CERS1: variants seen among roughly 807,000 people sequenced by gnomAD.
CERS1 encodes the protein Embryonic growth/differentiation factor 1.
In CERS1, 16 loss-of-function variants were observed where a neutral mutation model predicts 35.7. That is an observed-to-expected ratio of 0.45 (90% CI 0.30 to 0.68). The LOEUF (loss-of-function observed/expected upper bound fraction) is 0.68. CERS1 is among the 30% of genes least tolerant of loss of function. CERS1 has a pLI of 0.08. For missense variants in CERS1, 454 were observed against 453.9 expected, an observed-to-expected ratio of 1.00 and a Z score of 0.00; for synonymous variants, 243 against 201.6, an observed-to-expected ratio of 1.21 and a Z score of -1.74.
chr19:18,887,479 CTTTAA>C (rs2056389455), intron 2 of CERS1, among the ~76,000 whole-genome samples: 1 of 152,138 alleles, frequency 6.6e-6, no homozygotes, highest in Admixed American at 6.6e-5. Flanking sequence ...GAACTGTTCG[CTTTAA>C]AATGGTTAAT....
intron 4 of CERS1, 137 bp downstream of exon 4, chr19:18,880,137 A>C: frequency 1.3e-6 from 1 of 754,822 alleles, no homozygotes; most frequent in Non-Finnish European, 2.0e-6. Flanking sequence ...CCAAATCATG[A>C]GGCCCCTCCC....
In CERS1 at chr19:18,886,115, CTATGCTCTGGA is replaced by C. The variant is rs1359658669; in HGVS notation, c.410-1859_410-1849del. Among the ~76,000 whole-genome samples the C allele has an allele frequency of 4.2e-3, 632 of 151,434 alleles. 13 individuals are homozygous for C. Among genetic ancestry groups the C allele is most frequent in the African/African-American group, 0.015 (614 of 40,740 alleles). On this transcript the variant is annotated intron_variant, in intron 2 of 7. Transcript: ENST00000623882. Reference sequence around the variant, plus strand: ...GGCTGCCAGACACCAAATTCAAGGGCTATGCTCTGGACGGGCACGGTGGCTCATGCCTGTAA... The same window carrying C: ...GGCTGCCAGACACCAAATTCAAGGGCCGGGCACGGTGGCTCATGCCTGTAA...
Position 18,870,052 on chromosome 19 carries a change from TGACC to T in CERS1, c.*521_*524del. 1 of 1,592,222 alleles carries T rather than the reference TGACC, an allele frequency of 6.3e-7. No homozygotes were observed. The highest frequency in any genetic ancestry group is 1.1e-5 in the South Asian group (1 of 88,402). On this transcript the variant is annotated 3_prime_UTR_variant, in exon 7 of 8. Transcript: ENST00000623882. This position sits in a 1 kb window ranked among gnomAD's most constrained non-coding sequence, Gnocchi z 5.1. ...TCCTCCACGTGGCACGGTTGCAGGG[TGACC>T]CCTGGGGACGTCCGCCGCGAGCCAG...
At chr19:18,884,939 C>T (rs1324643016) in intron 2 of CERS1, among the ~76,000 whole-genome samples, 1 of 149,690 alleles carries the variant, frequency 6.7e-6, no homozygotes, top group Non-Finnish European at 1.5e-5. Flanking sequence ...TGGACTTGAA[C>T]TCCTGATCTC....
chr19:18,875,246 A>G (rs1296698308), intron 6 of CERS1, among the ~76,000 whole-genome samples: 15 of 151,488 alleles, frequency 9.9e-5, no homozygotes, highest in East Asian at 3.9e-4. Flanking sequence ...AAAAAAAAAA[A>G]AAAGAAAGAA....
In CERS1 at chr19:18,870,399, A is replaced by G; in HGVS notation, c.*178T>C. Reference sequence around the variant, plus strand: ...GCGGGGCCGGTGTCCCCGGAGGGGCAGGGGTCCTGGGGGGCGTGGCCGGGA... The same window carrying G: ...GCGGGGCCGGTGTCCCCGGAGGGGCGGGGGTCCTGGGGGGCGTGGCCGGGA... On this transcript the variant is annotated 3_prime_UTR_variant, in exon 7 of 8. Coordinates refer to ENST00000623882, the MANE Select transcript of CERS1 (RefSeq NM_021267.5). The surrounding 1 kb of genome is among the most constrained non-coding windows in gnomAD (Gnocchi z 5.1). 4.1e-6 allele frequency: 5 copies of G among 1,221,132 alleles called. No homozygotes were observed. The highest frequency in any genetic ancestry group is 5.4e-6 in the Non-Finnish European group (5 of 918,674). The allele number at this position is 1,221,132 out of a possible 1,614,324, so 75.6% of individuals were successfully genotyped here. A position where few individuals can be genotyped will look rare whatever the true frequency, so the allele number is the denominator to read the frequency against.
Position 18,880,510 on chromosome 19 carries a change from A to C in CERS1, c.591-75T>G, listed in dbSNP as rs1277157956. 4.9e-6 allele frequency: 7 copies of C among 1,422,238 alleles called. No homozygotes were observed. The East Asian group carries it at 1.8e-4, about 36-fold the overall frequency. The allele number at this position is 1,422,238 out of a possible 1,614,324, so 88.1% of individuals were successfully genotyped here. On this transcript the variant is annotated intron_variant, in intron 3 of 7. Transcript: ENST00000623882. ...TCCACTCTGCACTAAGGCCCCCAGC[A>C]GAGTCCCTGGGCTACACCTCAGGCT...
Position 18,895,641 on chromosome 19 carries a change from A to C in CERS1, c.249+183T>G, listed in dbSNP as rs2056607170. 6.7e-6 allele frequency among the ~76,000 whole-genome samples: 1 copy of C among 149,984 alleles called. No individual in the cohort carries two copies. Among genetic ancestry groups the C allele is most frequent in the Admixed American group, 6.6e-5 (1 of 15,156 alleles). On this transcript the variant is annotated intron_variant, in intron 1 of 7. Transcript: ENST00000623882. This position sits in a 1 kb window ranked among gnomAD's most constrained non-coding sequence, Gnocchi z 6.4. The stretch of plus-strand genomic sequence containing the variant: ...AAGGGGGCGCGCGGCGGCCCGAGAG[A>C]CCTTATCCTGGGGCTCCAACGTCCT...
Position 18,869,226 on chromosome 19 carries a change from C to T in CERS1, c.*759G>A. Reference sequence around the variant, plus strand: ...TGGCCCGCTTGCGCCACGCTCAGCTCCCAGCCGCCCTCCGGGGCTGCCGCC... The same window carrying T: ...TGGCCCGCTTGCGCCACGCTCAGCTTCCAGCCGCCCTCCGGGGCTGCCGCC... On this transcript the variant is annotated 3_prime_UTR_variant, in exon 8 of 8. Transcript: ENST00000623882. 7.2e-7 allele frequency: 1 copy of T among 1,379,554 alleles called. No individual in the cohort carries two copies. Among genetic ancestry groups the T allele is most frequent in the Non-Finnish European group, 9.3e-7 (1 of 1,077,398 alleles). The allele number at this position is 1,379,554 out of a possible 1,614,324, so 85.5% of individuals were successfully genotyped here.
chr19:18,868,918 A>C lies in CERS1; in HGVS notation c.*1067T>G. The C allele has an allele frequency of 1.5e-6, 2 of 1,364,292 alleles. No individual in the cohort carries two copies. Among genetic ancestry groups the C allele is most frequent in the East Asian group, 4.1e-5 (1 of 24,358 alleles). The allele number at this position is 1,364,292 out of a possible 1,614,324, so 84.5% of individuals were successfully genotyped here. A position where few individuals can be genotyped will look rare whatever the true frequency, so the allele number is the denominator to read the frequency against. ...TCACGTACAGCCGCCGCGCGCGACA[A>C]GCGCCCCCGGGGCCGCCGCCCAACA... On this transcript the variant is annotated 3_prime_UTR_variant, in exon 8 of 8. Coordinates refer to ENST00000623882, the MANE Select transcript of CERS1 (RefSeq NM_021267.5).
chr19:18,886,204 G>A (rs528050995), intron 2 of CERS1, among the ~76,000 whole-genome samples: 3 of 151,116 alleles, frequency 2.0e-5, no homozygotes, highest in Admixed American at 6.6e-5. Flanking sequence ...CCAGGAGTTC[G>A]AGACCAGCCT....
intron 2 of CERS1, among the ~76,000 whole-genome samples, chr19:18,886,581 A>G (rs1342074890): frequency 2.6e-5 from 4 of 151,946 alleles, no homozygotes. Flanking sequence ...ACAAACAAAC[A>G]ACAAAAAAAG....
chr19:18,892,557 T>C (rs1343050004), intron 2 of CERS1, among the ~76,000 whole-genome samples: 1 of 151,912 alleles, frequency 6.6e-6, no homozygotes, highest in Non-Finnish European at 1.5e-5. Context: ...GAGCTCACAG[T>C]GAGCCGAGAT....
intron 1 of CERS1, among the ~76,000 whole-genome samples, chr19:18,893,824 G>A (rs1258994047): frequency 6.6e-6 from 1 of 152,056 alleles, no homozygotes; most frequent in Non-Finnish European, 1.5e-5. Context: ...GAGGGGAGCA[G>A]GAGGGCTCTG....
intron 6 of CERS1, among the ~76,000 whole-genome samples, chr19:18,872,345 T>C (rs1357382563): frequency 6.6e-6 from 1 of 152,190 alleles, no homozygotes; most frequent in Non-Finnish European, 1.5e-5. Flanking sequence ...GTTATCTTTT[T>C]TTCTTGTTTT....
At chr19:18,892,657 T>C (rs1378374076) in intron 2 of CERS1, among the ~76,000 whole-genome samples, 1 of 152,088 alleles carries the variant, frequency 6.6e-6, no homozygotes, top group Admixed American at 6.6e-5. Context: ...CTCAAGCTGC[T>C]GCCTCAGCTC....
intron 2 of CERS1, among the ~76,000 whole-genome samples, chr19:18,887,744 CAAAAAAAAA>C (rs201962831): frequency 9.6e-6 from 1 of 104,052 alleles, no homozygotes; most frequent in African/African-American, 4.1e-5. Flanking sequence ...AACTCCATCT[CAAAAAAAAA>C]AAAAAAAAAT....
In CERS1 at chr19:18,893,552, G is replaced by A. The variant is rs768644742; in HGVS notation, c.273C>T (p.Leu91=). ...GCATCTTGGCGGCATCTCTGGGCTG[G>A]AGGCAGCACCGCTTCGCCAGGGGCT... ...LFRPLAKRCC[L]QPRDAAKMPE... is the part of the protein sequence containing the mutation. The change falls in exon 2 of 8, where the codon CTC becomes CTT. Residue 91 remains leucine, a synonymous_variant. Coordinates refer to ENST00000623882, the MANE Select transcript of CERS1 (RefSeq NM_021267.5). The A allele has an allele frequency of 1.9e-6, 3 of 1,610,416 alleles. No individual in the cohort carries two copies. The highest frequency in any genetic ancestry group is 2.2e-5 in the East Asian group (1 of 44,774).
intron 4 of CERS1, among the ~76,000 whole-genome samples, chr19:18,879,956 C>T (rs2056161486): frequency 6.6e-6 from 1 of 151,566 alleles, no homozygotes; most frequent in Non-Finnish European, 1.5e-5. Flanking sequence ...CTGTATTAGT[C>T]TAGCTCTTCC....
Sources: gnomAD v4.1 joint callset for allele counts (sites outside exome capture counted in the v4.1 genomes callset) on GRCh38, gnomAD v4.1.1 for gene constraint, Gnocchi (gnomAD v3.1) non-coding constraint, MANE v1.5 for transcripts, NCBI Gene and HGNC (gene_info 2026-07-23, HGNC 2026-07-21) for gene names.